LIPI: variants seen among roughly 807,000 people sequenced by gnomAD.
LIPI encodes the protein lipase I.
A neutral mutation model predicts 50.6 loss-of-function variants in LIPI; 59 were observed. The ratio of observed to expected loss-of-function variants is 1.16; its 90% CI spans 0.94 to 1.45. LIPI has a LOEUF of 1.45. LIPI is among the 40% of genes most tolerant of loss of function. LIPI has a pLI of 0.00. For missense variants in LIPI, 586 were observed against 536.3 expected (o/e 1.09, Z -0.92); for synonymous variants, 203 against 178.2 (o/e 1.14, Z -1.11).
chr21:14,117,546 A>G (rs1456089532), intron 9 of LIPI, among the ~76,000 whole-genome samples: 3 of 152,210 alleles, frequency 2.0e-5, no homozygotes, highest in Admixed American at 6.5e-5. Context: ...AGGCTCTGAT[A>G]CAAGGAATAA....
chr21:14,205,349 G>A (rs2020195477), intron 1 of LIPI, among the ~76,000 whole-genome samples: 1 of 151,732 alleles, frequency 6.6e-6, no homozygotes, highest in Admixed American at 6.6e-5. Flanking sequence ...AAGAAATTAT[G>A]TTTCTGAAAA....
chr21:14,152,762 A>T (rs181801777), intron 7 of LIPI, 78 bp from the exon 8 acceptor site: 1 of 679,674 alleles, frequency 1.5e-6, no homozygotes, highest in African/African-American at 1.8e-5. Context: ...ATATATATAT[A>T]TGTGTATGTA....
At position 14,181,811 on chromosome 21, in the gene LIPI, C is replaced by G. The variant is rs200407550; in HGVS notation, c.590G>C (p.Arg197Thr). The change falls in exon 4 of 10, where the codon AGA becomes ACA. Residue 197 changes from arginine (R) to threonine (T), a missense_variant. Arg to Thr is a moderately conservative substitution (Grantham distance 71). Coordinates refer to ENST00000681601, the MANE Select transcript of LIPI (RefSeq NM_001302998.2). ...AAACTTTGCATCCGTGTAATCTAATCTGCTATATGGTGGTTTTCTGGAGAA... is the reference window on the plus strand; with the variant it reads ...AAACTTTGCATCCGTGTAATCTAATGTGCTATATGGTGGTTTTCTGGAGAA... Reference protein sequence around the residue: ...PRFSRKPPYSRLDYTDAKFVD... With the variant: ...PRFSRKPPYSTLDYTDAKFVD... The G allele has an allele frequency of 8.7e-6, 14 of 1,612,652 alleles. No homozygotes were observed. The African/African-American group carries it at 1.9e-4, about 22-fold the overall frequency.
At chr21:14,147,975 A>G (rs2017963905) in intron 8 of LIPI, among the ~76,000 whole-genome samples, 1 of 152,020 alleles carries the variant, frequency 6.6e-6, no homozygotes, top group African/African-American at 2.4e-5. Flanking sequence ...TCCATTACTC[A>G]TATGTCTGGG....
chr21:14,185,703 C>A (rs912765248), intron 3 of LIPI, among the ~76,000 whole-genome samples: 1 of 151,800 alleles, frequency 6.6e-6, no homozygotes, highest in African/African-American at 2.4e-5. Flanking sequence ...CATGGTGAAA[C>A]CCTGTCTCTA....
chr21:14,112,104 T>C (rs1020565619), intron 9 of LIPI, among the ~76,000 whole-genome samples: 9 of 152,112 alleles, frequency 5.9e-5, no homozygotes, highest in African/African-American at 2.2e-4. Flanking sequence ...CCTTTCTCCA[T>C]TGTGTGCTCT....
chr21:14,152,287 A>G (rs955081308), intron 8 of LIPI, among the ~76,000 whole-genome samples: 1 of 151,960 alleles, frequency 6.6e-6, no homozygotes, highest in South Asian at 2.1e-4. Context: ...TTTTTAGTAG[A>G]GACAGGGTTT....
chr21:14,124,698 C>A lies in LIPI; in HGVS notation c.1296-15618G>T, dbSNP rs12627207. On this transcript the variant is annotated intron_variant, in intron 9 of 9. Transcript: ENST00000681601. ...TTAAAAGGTGGCTGCTTTCTTTGTCCGGGGCTCAGACTTTTCTGGACACTA... is the reference window on the plus strand; with the variant it reads ...TTAAAAGGTGGCTGCTTTCTTTGTCAGGGGCTCAGACTTTTCTGGACACTA... Among the ~76,000 whole-genome samples, 13 of 152,236 alleles carry A rather than the reference C, an allele frequency of 8.5e-5. No homozygotes were observed. The South Asian group carries it at 2.7e-3, about 32-fold the overall frequency.
At chr21:14,186,721 G>A (rs79312053) in intron 2 of LIPI, among the ~76,000 whole-genome samples, 1 of 152,148 alleles carries the variant, frequency 6.6e-6, no homozygotes, top group African/African-American at 2.4e-5. Context: ...ATTATGTCAT[G>A]AGTGTGGAAC....
rs766539358 is a variant in LIPI at position 14,163,514 on chromosome 21, GC to G, written c.910del (p.Ala304ProfsTer8). The G allele has an allele frequency of 4.6e-6, 7 of 1,520,438 alleles. No homozygotes were observed. Among genetic ancestry groups the G allele is most frequent in the Non-Finnish European group, 5.5e-6 (6 of 1,095,192 alleles). The allele number at this position is 1,520,438 out of a possible 1,614,324, so 94.2% of individuals were successfully genotyped here. ...TTTTAAAACACCTTTAAATAGCTTG[GC>G]TTGATAACCTGAGATTTGAGAAATA... The part of the protein sequence containing the change: ...EKSCPRLGYQ[A>X]KLFKGVLKER... On this transcript the variant is annotated frameshift_variant, in exon 7 of 10. Coordinates refer to ENST00000681601, the MANE Select transcript of LIPI (RefSeq NM_001302998.2). LOFTEE classifies it high-confidence loss of function.
chr21:14,145,436 C>T (rs115625631), intron 8 of LIPI, among the ~76,000 whole-genome samples: 441 of 152,234 alleles, frequency 2.9e-3, no homozygotes, highest in African/African-American at 9.8e-3. Context: ...CACTGCTCTG[C>T]TCAATTTCTC....
chr21:14,136,269 G>C (rs1305144432), intron 9 of LIPI, among the ~76,000 whole-genome samples: 1 of 152,092 alleles, frequency 6.6e-6, no homozygotes, highest in African/African-American at 2.4e-5. Flanking sequence ...GGCTCGTGGG[G>C]TTCACAATTC....
intron 7 of LIPI, among the ~76,000 whole-genome samples, chr21:14,159,825 C>T (rs1379775488): frequency 6.6e-6 from 1 of 151,296 alleles, no homozygotes; most frequent in Non-Finnish European, 1.5e-5. Context: ...AAGATGCGAT[C>T]TCATTACTAT....
At chr21:14,117,092 C>A (rs2016676178) in intron 9 of LIPI, among the ~76,000 whole-genome samples, 1 of 152,166 alleles carries the variant, frequency 6.6e-6, no homozygotes, top group South Asian at 2.1e-4. Context: ...ATGAGGTTGG[C>A]CGTCCCTGGT....
intron 3 of LIPI, among the ~76,000 whole-genome samples, chr21:14,185,215 A>G (rs868371244): frequency 6.6e-6 from 1 of 152,218 alleles, no homozygotes; most frequent in African/African-American, 2.4e-5. Context: ...AGGGGGACCC[A>G]GAGTCCCTCA....
chr21:14,186,125 A>C, intron 2 of LIPI, 56 bp from the exon 3 acceptor site: 6 of 939,812 alleles, frequency 6.4e-6, no homozygotes, highest in Non-Finnish European at 1.1e-5. Context: ...ATAACAAATC[A>C]TGCCCCCCTC....
intron 9 of LIPI, 72 bp downstream of exon 9, chr21:14,144,551 A>G: frequency 2.6e-6 from 2 of 780,312 alleles, no homozygotes; most frequent in East Asian, 2.5e-5. Flanking sequence ...GAATTTTTAA[A>G]CCATTACTTA....
At chr21:14,180,181 C>T (rs572489330) in intron 4 of LIPI, among the ~76,000 whole-genome samples, 1 of 152,238 alleles carries the variant, frequency 6.6e-6, no homozygotes, top group South Asian at 2.1e-4. Flanking sequence ...GCCCTGGTAA[C>T]TTGTGGTTGG....
chr21:14,134,612 G>A (rs1446999523), intron 9 of LIPI, among the ~76,000 whole-genome samples: 5 of 152,076 alleles, frequency 3.3e-5, no homozygotes, highest in African/African-American at 4.8e-5. Flanking sequence ...CAATGGAACA[G>A]AATAGAGAAC....
Sources: allele counts gnomAD v4.1 joint callset (sites outside exome capture counted in the v4.1 genomes callset), GRCh38; gene constraint gnomAD v4.1.1; transcripts MANE v1.5; gene names NCBI Gene and HGNC (gene_info 2026-07-23, HGNC 2026-07-21).